Variants in MAF observed in about 807,000 individuals in gnomAD.
MAF encodes transcription factor Maf.
A neutral mutation model predicts 22.0 loss-of-function variants in MAF; 10 were observed. That is an observed-to-expected ratio of 0.45 (90% CI 0.28 to 0.77). The LOEUF is 0.77. Among genes scored for constraint, MAF ranks in the 30% least tolerant of loss-of-function variants. MAF has a pLI of 0.12. For synonymous variants in MAF, 337 were observed against 255.8 expected, an observed-to-expected ratio of 1.32 and a Z score of -3.03; for missense variants, 544 against 548.4, an observed-to-expected ratio of 0.99 and a Z score of 0.08.
At chr16:79,336,584 G>A in the MAF span, among the ~76,000 whole-genome samples, 2 of 152,084 alleles carry the variant, frequency 1.3e-5, no homozygotes, top group African/African-American at 4.8e-5. Context: ...AAGCTCAGTG[G>A]CACTGTCCTA....
chr16:79,536,663 T>A, the MAF span, among the ~76,000 whole-genome samples: 1 of 152,072 alleles, frequency 6.6e-6, no homozygotes, highest in East Asian at 1.9e-4. Flanking sequence ...AAAGAAAATA[T>A]TGAGAAAAAA....
At chr16:79,517,969 T>C in the MAF span, among the ~76,000 whole-genome samples, 1 of 152,238 alleles carries the variant, frequency 6.6e-6, no homozygotes, top group Non-Finnish European at 1.5e-5. Flanking sequence ...ACAGCTCTGC[T>C]TCTTTTGTCT....
At chr16:79,333,706 T>A in the MAF span, among the ~76,000 whole-genome samples, 5 of 152,348 alleles carry the variant, frequency 3.3e-5, no homozygotes, top group South Asian at 1.0e-3. Context: ...TCTAGTGATA[T>A]CACCACACGC....
chr16:79,534,798 G>C, the MAF span, among the ~76,000 whole-genome samples: 2 of 152,154 alleles, frequency 1.3e-5, no homozygotes, highest in African/African-American at 4.8e-5. Context: ...CCTCTTCAGT[G>C]TACTGACTGT....
chr16:79,269,267 C>T, the MAF span, among the ~76,000 whole-genome samples: 4 of 152,278 alleles, frequency 2.6e-5, no homozygotes, highest in South Asian at 8.3e-4. Flanking sequence ...TGGCTATGTG[C>T]TTCTCGGGCT....
At chr16:79,256,875 C>A in the MAF span, among the ~76,000 whole-genome samples, 1 of 152,130 alleles carries the variant, frequency 6.6e-6, no homozygotes. Context: ...AACACACACA[C>A]AAACCATAAA....
chr16:79,525,627 C>G, the MAF span, among the ~76,000 whole-genome samples: 1 of 152,210 alleles, frequency 6.6e-6, no homozygotes, highest in South Asian at 2.1e-4. Context: ...CTTTTTATTG[C>G]TAATGGTTTT....
At chr16:79,437,721 C>T in the MAF span, among the ~76,000 whole-genome samples, 1 of 152,192 alleles carries the variant, frequency 6.6e-6, no homozygotes, top group African/African-American at 2.4e-5. Flanking sequence ...AGAGCACGAG[C>T]TTCTCGGCCA....
chr16:79,322,395 G>C, the MAF span, among the ~76,000 whole-genome samples: 3 of 152,136 alleles, frequency 2.0e-5, no homozygotes, highest in Admixed American at 6.5e-5. Context: ...GATTCAGTTA[G>C]GAAGGGAATC....
the MAF span, chr16:79,204,192 T>C: frequency 1.3e-5 from 2 of 152,156 alleles, no homozygotes; most frequent in African/African-American, 4.8e-5. Flanking sequence ...CTTTGAGCAA[T>C]GTAGGTATCC....
At chr16:79,550,514 C>G in the MAF span, among the ~76,000 whole-genome samples, 1 of 152,248 alleles carries the variant, frequency 6.6e-6, no homozygotes, top group South Asian at 2.1e-4. Flanking sequence ...CACCATGTGA[C>G]CCATTGGGAC....
the MAF span, among the ~76,000 whole-genome samples, chr16:79,289,666 G>C: frequency 6.6e-6 from 1 of 152,022 alleles, no homozygotes; most frequent in South Asian, 2.1e-4. Flanking sequence ...AGCCTGAATG[G>C]GGCACTTGTT....
At chr16:79,293,787 A>AC in the MAF span, among the ~76,000 whole-genome samples, 2 of 152,118 alleles carry the variant, frequency 1.3e-5, no homozygotes, top group African/African-American at 4.8e-5. Context: ...AGAAACAAGA[A>AC]CCACCTTTTC....
intron 1 of MAF, among the ~76,000 whole-genome samples, chr16:79,587,596 G>A (rs1011104789): frequency 6.6e-5 from 10 of 152,146 alleles, no homozygotes; most frequent in African/African-American, 2.2e-4. Context: ...TACTTGTGAG[G>A]CATTTTTCAA....
chr16:79,229,708 T>A, the MAF span, among the ~76,000 whole-genome samples: 1 of 152,008 alleles, frequency 6.6e-6, no homozygotes, highest in Non-Finnish European at 1.5e-5. Flanking sequence ...CGTTGAGCTA[T>A]CTAGAGGAGT....
At chr16:79,244,908 T>A in the MAF span, among the ~76,000 whole-genome samples, 1 of 151,910 alleles carries the variant, frequency 6.6e-6, no homozygotes, top group African/African-American at 2.4e-5. Flanking sequence ...TCAGAAATAA[T>A]ACCACACCTC....
chr16:79,211,507 C>T, the MAF span: 637 of 1,480,386 alleles, frequency 4.3e-4, 6 homozygotes, highest in African/African-American at 7.4e-3. Context: ...TGAAACTGAA[C>T]CAGGTGGGGG....
At chr16:79,418,005 T>C in the MAF span, among the ~76,000 whole-genome samples, 1 of 152,146 alleles carries the variant, frequency 6.6e-6, no homozygotes. Flanking sequence ...GGGTCTGGCC[T>C]TGTGCAAGAG....
the MAF span, among the ~76,000 whole-genome samples, chr16:79,512,810 G>A: frequency 2.6e-5 from 4 of 152,334 alleles, no homozygotes; most frequent in Admixed American, 6.5e-5. Context: ...AAGGATGGAT[G>A]TAGGTGTGTT....
Sources: gnomAD v4.1 joint callset for allele counts (sites outside exome capture counted in the v4.1 genomes callset) on GRCh38, gnomAD v4.1.1 for gene constraint, MANE v1.5 for transcripts, NCBI Gene and HGNC (gene_info 2026-07-23, HGNC 2026-07-21) for gene names.